The following MYH13 variants were observed in gnomAD, a reference collection of about 807,000 sequenced individuals.
MYH13 encodes the protein myosin heavy chain 13.
Under a neutral mutation model 232.1 loss-of-function variants are expected in MYH13, and 177 were observed. The observed-to-expected ratio is 0.76, with a 90% CI of 0.67 to 0.86. The LOEUF is 0.86. Among genes scored for constraint, MYH13 ranks in the 40% least tolerant of loss-of-function variants. The pLI is 0.00. For missense variants in MYH13, 2,246 were observed against 2,405.9 expected (o/e 0.93, Z 1.39); for synonymous variants, 884 against 923.5 (o/e 0.96, Z 0.78).
chr17:10,369,634 G>C (rs2071863969), intron 2 of MYH13, among the ~76,000 whole-genome samples: 1 of 152,140 alleles, frequency 6.6e-6, no homozygotes, highest in Admixed American at 6.5e-5. Context: ...CATATTTTTA[G>C]TCCTCCTGGA....
At chr17:10,323,764 CAAAAA>C (rs756659634) in intron 23 of MYH13, among the ~76,000 whole-genome samples, 265 of 90,152 alleles carry the variant, frequency 2.9e-3, no homozygotes, top group Admixed American at 4.1e-3. Flanking sequence ...CTCCATCTCA[CAAAAA>C]AAAAAAAAAA....
At position 10,366,381 on chromosome 17, in the gene MYH13, G is replaced by GTTTTTTTTTTTTTTTTTT. The variant is rs56798899; in HGVS notation, c.-12-1840_-12-1839insAAAAAAAAAAAAAAAAAA. Among the ~76,000 whole-genome samples, 58 of 112,598 alleles carry GTTTTTTTTTTTTTTTTTT rather than the reference G, an allele frequency of 5.2e-4. 9 individuals carry two copies. The highest frequency in any genetic ancestry group is 7.0e-4 in the Non-Finnish European group (37 of 53,092). 73.9% of individuals were successfully genotyped at this position (112,598 alleles called of 152,430 possible). A position where few individuals can be genotyped will look rare whatever the true frequency, so the allele number is the denominator to read the frequency against. ...CATATCTCTCTTAAGAAATAAATCT[G>GTTTTTTTTTTTTTTTTTT]TTTTTTTTTTTTTTTTTGAGATGGA... On this transcript the variant is annotated intron_variant, in intron 2 of 40. Coordinates refer to ENST00000252172, the MANE Select transcript of MYH13 (RefSeq NM_003802.3).
At position 10,355,137 on chromosome 17, in the gene MYH13, A is replaced by T. The variant is rs762057006; in HGVS notation, c.749T>A (p.Ile250Asn). The T allele has an allele frequency of 3.2e-6, 5 of 1,578,442 alleles. No individual in the cohort carries two copies. The Admixed American group carries it at 9.2e-5, about 29-fold the overall frequency. The part of the protein sequence containing the change: ...NDNSSRFGKF[I>N]RIHFGATGKL... The stretch of plus-strand genomic sequence containing the variant: ...TCCTGTGGCTCCAAAATGAATCCGA[A>T]TGAACTTCCCCTGTCCAATAACAGG... The change falls in exon 9 of 41, where the codon ATT becomes AAT. Residue 250 changes from isoleucine (I) to asparagine (N), a missense_variant. Physicochemically the swap from Ile to Asn is moderately radical, Grantham distance 149. Coordinates refer to ENST00000252172, the MANE Select transcript of MYH13 (RefSeq NM_003802.3).
intron 12 of MYH13, among the ~76,000 whole-genome samples, chr17:10,349,824 AGAGTTTAAAGCG>A (rs1461600135): frequency 6.6e-6 from 1 of 152,098 alleles, no homozygotes; most frequent in Non-Finnish European, 1.5e-5. Context: ...TTATTACTTG[AGAGTTTAAAGCG>A]CACTGCTTCA....
chr17:10,307,185 G>T, intron 35 of MYH13, 121 bp from the exon 36 acceptor site: 2 of 1,269,102 alleles, frequency 1.6e-6, no homozygotes, highest in South Asian at 1.5e-5. Context: ...TTTTTCACAT[G>T]GGTGACCTGC....
chr17:10,323,405 G>T (rs1270066247), intron 23 of MYH13, among the ~76,000 whole-genome samples: 4 of 152,084 alleles, frequency 2.6e-5, no homozygotes, highest in Non-Finnish European at 5.9e-5. Context: ...AACTGAAGAA[G>T]AATATGAAAC....
At chr17:10,323,788 AAGAAGAAGAAGAAGAAGAAG>A (rs1907085079) in intron 23 of MYH13, among the ~76,000 whole-genome samples, 1 of 31,856 alleles carries the variant, frequency 3.1e-5, no homozygotes, top group Admixed American at 2.8e-4. Flanking sequence ...AAAAAAAAAA[AAGAAGAAGAAGAAGAAGAAG>A]AAGAAGAAGA....
chr17:10,345,646 G>A, intron 13 of MYH13, 30 bp from the exon 14 acceptor site: 2 of 1,614,124 alleles, frequency 1.2e-6, no homozygotes, highest in Non-Finnish European at 8.5e-7. Flanking sequence ...CTCAACCCTT[G>A]AGTTAGTGTT....
At chr17:10,300,994 G>C in intron 40 of MYH13, 29 bp from the exon 41 acceptor site, 1 of 1,608,146 alleles carries the variant, frequency 6.2e-7, no homozygotes. Context: ...ATTGTACATA[G>C]GAAATGAGTC....
chr17:10,327,318 A>C (rs1907250129), intron 22 of MYH13, among the ~76,000 whole-genome samples: 1 of 150,256 alleles, frequency 6.7e-6, no homozygotes, highest in Non-Finnish European at 1.5e-5. Context: ...AGTTTTTAAA[A>C]ATTTTTTTAC....
At chr17:10,362,575 T>G in intron 3 of MYH13, 72 bp from the exon 4 acceptor site, 1 of 1,582,688 alleles carries the variant, frequency 6.3e-7, no homozygotes, top group Non-Finnish European at 8.7e-7. Context: ...ACTGGTGTGG[T>G]GGAAGTAGTG....
Position 10,324,136 on chromosome 17 carries a change from C to A in MYH13, c.2820G>T (p.Leu940Phe). The A allele has an allele frequency of 1.2e-6, 2 of 1,613,954 alleles. No individual in the cohort carries two copies. Among genetic ancestry groups the A allele is most frequent in the Non-Finnish European group, 1.7e-6 (2 of 1,179,886 alleles). Residue 940 changes from leucine (L) to phenylalanine (F), a missense_variant, in exon 23 of 41, where the codon TTG becomes TTT. By Grantham distance (22) the Leu-to-Phe change is conservative. Transcript: ENST00000252172. ...CTTCCAGATTCCTCTTCTTGGCAAC[C>A]AATTCAGAATTCATCTCCTCTTCCT... is the stretch of plus-strand genomic sequence containing the variant. ...LEEEEEMNSE[L>F]VAKKRNLEDK...
In MYH13 at chr17:10,312,703, G is replaced by C; in HGVS notation, c.4236C>G (p.Asn1412Lys). The C allele has an allele frequency of 6.2e-7, 1 of 1,613,704 alleles. No individual in the cohort carries two copies. The highest frequency in any genetic ancestry group is 8.5e-7 in the Non-Finnish European group (1 of 1,179,842). Residue 1412 changes from asparagine to lysine, a missense_variant, in exon 31 of 41, where the codon AAC (asparagine) becomes AAG (lysine). By Grantham distance (94) the Asn-to-Lys change is moderately conservative. Transcript: ENST00000252172. ...TTTTCTCCAACGATGCGCACTTGGA[G>C]TTCGCCGTCTCCGTGTTCTCCTCTG... is the stretch of plus-strand genomic sequence containing the variant. ...QEAEENTETANSKCASLEKTK... is the reference protein window; with the variant it reads ...QEAEENTETAKSKCASLEKTK...
intron 23 of MYH13, among the ~76,000 whole-genome samples, chr17:10,323,281 G>T (rs78023668): frequency 2.0e-5 from 3 of 152,098 alleles, no homozygotes; most frequent in Non-Finnish European, 4.4e-5. Context: ...CTGTCCTGCC[G>T]GTACCCGCTC....
At chr17:10,321,734 A>G (rs766786324) in intron 23 of MYH13, 26 bp from the exon 24 acceptor site, 12 of 1,582,372 alleles carry the variant, frequency 7.6e-6, no homozygotes, top group Non-Finnish European at 1.0e-5. Context: ...CACCGATTTA[A>G]TATGGAAACG....
chr17:10,309,245 G>C lies in MYH13; in HGVS notation c.5158C>G (p.Leu1720Val). Residue 1720 changes from leucine to valine, a missense_variant, in exon 35 of 41, where the codon CTG (leucine) becomes GTG (valine). Transcript: ENST00000252172. Reference protein sequence around the residue: ...LLDASDRVQLLHSQNTSLINT... With the variant: ...LLDASDRVQLVHSQNTSLINT... ...GAGGGCCGACGCACCTGGGAGTGCA[G>C]GAGCTGCACGCGGTCGCTGGCGTCC... is the stretch of plus-strand genomic sequence containing the variant. 1 of 1,613,346 alleles carries C rather than the reference G, an allele frequency of 6.2e-7. No homozygotes were observed. Among genetic ancestry groups the C allele is most frequent in the Non-Finnish European group, 8.5e-7 (1 of 1,179,776 alleles).
intron 8 of MYH13, 104 bp from the exon 9 acceptor site, chr17:10,355,251 G>A (rs1307636317): frequency 1.1e-5 from 13 of 1,237,618 alleles, no homozygotes; most frequent in Non-Finnish European, 1.4e-5. Context: ...ATGCAAAAAT[G>A]CTAGAGAACA....
At chr17:10,337,041 A>C (rs1012710192) in intron 18 of MYH13, among the ~76,000 whole-genome samples, 4 of 151,902 alleles carry the variant, frequency 2.6e-5, no homozygotes, top group African/African-American at 7.3e-5. Flanking sequence ...CAGCCTCCCA[A>C]GTAGCTGGGA....
intron 12 of MYH13, among the ~76,000 whole-genome samples, chr17:10,348,563 C>T (rs1425679366): frequency 6.6e-6 from 1 of 152,180 alleles, no homozygotes; most frequent in Admixed American, 6.5e-5. Context: ...GATTATAGTC[C>T]TCCACTTTCT....
Sources: gnomAD v4.1 joint callset for allele counts (sites outside exome capture counted in the v4.1 genomes callset) on GRCh38, gnomAD v4.1.1 for gene constraint, MANE v1.5 for transcripts, NCBI Gene and HGNC (gene_info 2026-07-23, HGNC 2026-07-21) for gene names.